The following DLGAP4 variants were observed in gnomAD, a reference collection of about 807,000 sequenced individuals.
DLGAP4 encodes the protein DLG associated protein 4, also known as disks large-associated protein 4.
In DLGAP4, 18 loss-of-function variants were observed where a neutral mutation model predicts 86.9. The ratio of observed to expected loss-of-function variants is 0.21; its 90% confidence interval spans 0.14 to 0.31. DLGAP4 has a LOEUF of 0.31. DLGAP4 is among the 10% of genes least tolerant of loss of function. The pLI, the probability that DLGAP4 is intolerant of heterozygous loss-of-function variation, is 1.00. For synonymous variants in DLGAP4, 548 were observed against 574.3 expected (o/e 0.95, Z 0.65); for missense variants, 1,085 against 1,362.6 (o/e 0.80, Z 3.21).
At chr20:36,509,201 T>C (rs1320089032) in intron 10 of DLGAP4, among the ~76,000 whole-genome samples, 2 of 152,192 alleles carry the variant, frequency 1.3e-5, no homozygotes, top group African/African-American at 2.4e-5. Flanking sequence ...CGTGGGAAGA[T>C]TGCTTGAGTT....
chr20:36,315,370 A>G (rs2065089257), intron 1 of DLGAP4, among the ~76,000 whole-genome samples: 1 of 151,954 alleles, frequency 6.6e-6, no homozygotes. Flanking sequence ...GACAGCACGG[A>G]GAGCCATGGG....
At chr20:36,420,702 G>A (rs963061836) in intron 2 of DLGAP4, among the ~76,000 whole-genome samples, 39 of 151,940 alleles carry the variant, frequency 2.6e-4, no homozygotes, top group African/African-American at 9.4e-4. Flanking sequence ...GGCTGGGTGT[G>A]GTAGCTCACA....
rs994281878 is a variant in DLGAP4, at chr20:36,306,690, C to T, written c.-304+178C>T. On this transcript the variant is annotated intron_variant, in intron 1 of 12. Transcript: ENST00000339266. The surrounding 1 kb of genome is among the most constrained non-coding windows in gnomAD (Gnocchi z 4.9). ...CAGTTCTGTCTTCCGATCCCGGGTC[C>T]GAGGGGCCGGCTGTGCGGCTGGGAA... 4.6e-5 allele frequency among the ~76,000 whole-genome samples: 7 copies of T among 152,082 alleles called. No individual in the cohort carries two copies. Among genetic ancestry groups the T allele is most frequent in the Non-Finnish European group, 1.0e-4 (7 of 67,998 alleles).
At chr20:36,312,975 G>T (rs1283378464) in intron 1 of DLGAP4, among the ~76,000 whole-genome samples, 1 of 152,034 alleles carries the variant, frequency 6.6e-6, no homozygotes, top group Non-Finnish European at 1.5e-5. Context: ...CCATCTACTT[G>T]GTGGGAGTAG....
At chr20:36,425,505 GA>G (rs1416821222) in intron 2 of DLGAP4, among the ~76,000 whole-genome samples, 2 of 152,144 alleles carry the variant, frequency 1.3e-5, no homozygotes, top group Non-Finnish European at 2.9e-5. Context: ...AGCTGCTATG[GA>G]AAACAGTTTG....
At chr20:36,505,074 G>A (rs371047675) in intron 10 of DLGAP4, among the ~76,000 whole-genome samples, 1 of 150,814 alleles carries the variant, frequency 6.6e-6, no homozygotes, top group Non-Finnish European at 1.5e-5. Flanking sequence ...TGCAACCTCC[G>A]CCTGCTGGGT....
At chr20:36,461,722 T>G (rs1340944449) in intron 7 of DLGAP4, 10 of 803,878 alleles carry the variant, frequency 1.2e-5, no homozygotes, top group Middle Eastern at 6.5e-4. Context: ...CTCCTCCTCC[T>G]CCCCGTCTGT....
At chr20:36,502,151 C>G (rs1321069198) in intron 10 of DLGAP4, among the ~76,000 whole-genome samples, 2 of 152,202 alleles carry the variant, frequency 1.3e-5, no homozygotes, top group Non-Finnish European at 2.9e-5. Flanking sequence ...GTCTCCCTTT[C>G]TCCCACCCTC....
At chr20:36,486,413 G>T (rs1767100323) in intron 7 of DLGAP4, among the ~76,000 whole-genome samples, 1 of 152,138 alleles carries the variant, frequency 6.6e-6, no homozygotes, top group South Asian at 2.1e-4. Context: ...TGATGAGAAG[G>T]AGCAGACATG....
At position 36,430,990 on chromosome 20, in the gene DLGAP4, C is replaced by G. The variant is rs567619784; in HGVS notation, c.-72-656C>G. Among the ~76,000 whole-genome samples, 391 of 150,662 alleles carry G rather than the reference C, an allele frequency of 2.6e-3. 1 individual carries two copies. The highest frequency in any genetic ancestry group is 6.9e-3 in the Middle Eastern group (2 of 290). On this transcript the variant is annotated intron_variant, in intron 2 of 12. Transcript: ENST00000339266. ...AAAAAAAAAAGACCTCTCTGGCCCT[C>G]TAAAAGTCCATGTTTTTCCCCATAA...
chr20:36,421,544 A>AT (rs1457722215), intron 2 of DLGAP4, among the ~76,000 whole-genome samples: 1 of 151,106 alleles, frequency 6.6e-6, no homozygotes, highest in Non-Finnish European at 1.5e-5. Flanking sequence ...TGAGTGAGAG[A>AT]TAGTGGGGAC....
At chr20:36,515,114 A>T (rs1044279971) in intron 10 of DLGAP4, among the ~76,000 whole-genome samples, 2 of 152,160 alleles carry the variant, frequency 1.3e-5, no homozygotes, top group Non-Finnish European at 2.9e-5. Flanking sequence ...CCAAAAGATG[A>T]GCTTGAGTTT....
intron 11 of DLGAP4, 54 bp from the exon 12 acceptor site, chr20:36,525,797 G>T (rs1423149995): frequency 2.3e-5 from 37 of 1,599,976 alleles, no homozygotes; most frequent in Non-Finnish European, 3.0e-5. Context: ...GGGTTGGGGG[G>T]AGCAGGACAA....
chr20:36,370,448 T>C (rs1600445086), intron 2 of DLGAP4, among the ~76,000 whole-genome samples: 1 of 151,536 alleles, frequency 6.6e-6, no homozygotes, highest in Non-Finnish European at 1.5e-5. Flanking sequence ...ATTGCACCAC[T>C]ACACTCTAGC....
chr20:36,488,581 ATTTTT>A (rs1305568541), intron 7 of DLGAP4, among the ~76,000 whole-genome samples: 1 of 143,524 alleles, frequency 7.0e-6, no homozygotes, highest in Non-Finnish European at 1.5e-5. Context: ...CTGTTGAAAG[ATTTTT>A]TTTTTTTTTT....
intron 4 of DLGAP4, among the ~76,000 whole-genome samples, chr20:36,438,406 T>C (rs2033348547): frequency 6.7e-6 from 1 of 149,426 alleles, no homozygotes; most frequent in Non-Finnish European, 1.5e-5. Flanking sequence ...AATATATATG[T>C]ATGTATATGT....
chr20:36,317,893 G>A (rs2065124755), intron 1 of DLGAP4, among the ~76,000 whole-genome samples: 1 of 152,022 alleles, frequency 6.6e-6, no homozygotes, highest in African/African-American at 2.4e-5. Context: ...TGGCAGGGAT[G>A]GTCTTCTGGA....
In DLGAP4 at chr20:36,447,901, TGGGGG is replaced by T. The variant is rs71184097; in HGVS notation, c.1648+971_1648+975del. ...CACACACCAGGGCCTATCAGGGGGG[TGGGGG>T]GGGGGGAGACAAGGGGAGGGAGAGC... On this transcript the variant is annotated intron_variant, in intron 7 of 12. Transcript: ENST00000339266. 5.9e-4 allele frequency among the ~76,000 whole-genome samples: 31 copies of T among 52,332 alleles called. 1 individual carries two copies. Among genetic ancestry groups the T allele is most frequent in the African/African-American group, 2.2e-3 (30 of 13,926 alleles). The allele number at this position is 52,332 out of a possible 152,430, so 34.3% of individuals were successfully genotyped here.
At chr20:36,327,784 G>T (rs1444226419) in intron 1 of DLGAP4, among the ~76,000 whole-genome samples, 72 of 147,580 alleles carry the variant, frequency 4.9e-4, no homozygotes, top group African/African-American at 1.7e-3. Context: ...GTAGAGACGG[G>T]GTTTCACCGT....
Sources: allele counts gnomAD v4.1 joint callset (sites outside exome capture counted in the v4.1 genomes callset), GRCh38; gene constraint gnomAD v4.1.1; non-coding constraint Gnocchi (gnomAD v3.1); transcripts MANE v1.5; gene names NCBI Gene and HGNC (gene_info 2026-07-23, HGNC 2026-07-21).